The following ZNF541 variants were observed in gnomAD, a reference collection of about 807,000 sequenced individuals.
ZNF541 encodes the protein zinc finger protein 541.
A neutral mutation model predicts 123.5 loss-of-function variants in ZNF541; 23 were observed. The ratio of observed to expected loss-of-function variants is 0.19; its 90% CI spans 0.13 to 0.26. ZNF541 has a LOEUF of 0.26. ZNF541 is among the 10% of genes least tolerant of loss of function. The pLI is 1.00. For synonymous variants in ZNF541, 751 were observed against 754.5 expected, an observed-to-expected ratio of 1.00 and a Z score of 0.08; for missense variants, 1,612 against 1,789.9, an observed-to-expected ratio of 0.90 and a Z score of 1.79.
chr19:47,546,206 T>TAAAAAAAAAAAAAA (rs113946046), intron 4 of ZNF541, among the ~76,000 whole-genome samples: 1 of 125,738 alleles, frequency 8.0e-6, no homozygotes. Flanking sequence ...TACAGAAAAG[T>TAAAAAAAAAAAAAA]AAAAAAAAAA....
chr19:47,572,892 G>A (rs1483243396), intron 1 of ZNF541, among the ~76,000 whole-genome samples, 191 bp downstream of exon 1: 2 of 152,124 alleles, frequency 1.3e-5, no homozygotes, highest in Non-Finnish European at 2.9e-5. Flanking sequence ...GAAGATGCGT[G>A]CGTGACGCAG....
Position 47,545,281 on chromosome 19 carries a change from G to A in ZNF541, c.1248C>T (p.Leu416=), listed in dbSNP as rs1166517508. 6.5e-7 allele frequency: 1 copy of A among 1,549,536 alleles called. No homozygotes were observed. Among genetic ancestry groups the A allele is most frequent in the Non-Finnish European group, 8.7e-7 (1 of 1,146,776 alleles). Residue 416 remains leucine, a synonymous_variant, in exon 5 of 17, where the codon CTC becomes CTT. Transcript: ENST00000391901. The surrounding 1 kb of genome is among the most constrained non-coding windows in gnomAD (Gnocchi z 7.5). ...TTTTGGGACAGCCCGGCAGGTTCCG[G>A]AGCCACTGGAAGCTGTGGCTCGATG... The part of the protein sequence containing the change: ...SQPSSHSFQW[L]RNLPGCPKSK...
intron 5 of ZNF541, among the ~76,000 whole-genome samples, chr19:47,542,681 C>T (rs974975705): frequency 2.2e-4 from 33 of 151,850 alleles, no homozygotes; most frequent in African/African-American, 7.5e-4. Context: ...GGCACAGTGG[C>T]TCACACCTGC....
intron 3 of ZNF541, among the ~76,000 whole-genome samples, chr19:47,554,548 A>G (rs868291875): frequency 1.3e-5 from 2 of 152,324 alleles, no homozygotes; most frequent in Middle Eastern, 3.4e-3. Context: ...GGAAGCAGAG[A>G]GGATATTATT....
chr19:47,558,577 T>C (rs547939470), intron 2 of ZNF541, among the ~76,000 whole-genome samples: 1 of 151,868 alleles, frequency 6.6e-6, no homozygotes, highest in South Asian at 2.1e-4. Context: ...TACCAAAACT[T>C]ACTCAAGAAG....
chr19:47,557,419 A>G (rs1193046772), intron 2 of ZNF541, among the ~76,000 whole-genome samples: 1 of 152,224 alleles, frequency 6.6e-6, no homozygotes, highest in Non-Finnish European at 1.5e-5. Context: ...CAAGTCTACA[A>G]AAGAATGACA....
chr19:47,538,304 T>C lies in ZNF541; in HGVS notation c.2932A>G (p.Met978Val), dbSNP rs190326991. 6 of 1,548,518 alleles carry C rather than the reference T, an allele frequency of 3.9e-6. No individual in the cohort carries two copies. In the African/African-American group the frequency reaches 4.1e-5, roughly 11 times the overall value. Residue 978 changes from methionine (M) to valine (V), a missense_variant, in exon 9 of 17, where the codon ATG (methionine) becomes GTG (valine). Transcript: ENST00000391901. ...TTCAGGAGGCAGTCCACCAGGAACA[T>C]GGGTGACCGCAGGCGGCTCTGGTGG... ...GCHQSRLRSP[M>V]FLVDCLLKGL... is the part of the protein sequence containing the mutation.
At chr19:47,542,935 C>G (rs1040218199) in intron 5 of ZNF541, among the ~76,000 whole-genome samples, 1 of 151,894 alleles carries the variant, frequency 6.6e-6, no homozygotes, top group African/African-American at 2.4e-5. Flanking sequence ...CAGAGTGAGA[C>G]TCCATCATAA....
Position 47,538,188 on chromosome 19 carries a change from G to A in ZNF541, c.3048C>T (p.Ser1016=), listed in dbSNP as rs1342331349. The A allele has an allele frequency of 2.6e-6, 4 of 1,551,328 alleles. No homozygotes were observed. The East Asian group carries it at 9.8e-5, about 38-fold the overall frequency. Residue 1016 remains serine, a synonymous_variant, in exon 9 of 17, where the codon TCC becomes TCT. Transcript: ENST00000391901. ...GGTCAGGGCTGGCCTGAGTGGACGT[G>A]GAACAGAGGGTGTTGAAGTACACCC... ...GSGVYFNTLC[S]TSTQASPDQL...
In ZNF541 at chr19:47,521,757, C is replaced by A; in HGVS notation, c.3711+97G>T. 6.6e-7 allele frequency: 1 copy of A among 1,520,738 alleles called. No individual in the cohort carries two copies. Among genetic ancestry groups the A allele is most frequent in the African/African-American group, 1.4e-5 (1 of 72,390 alleles). The allele number at this position is 1,520,738 out of a possible 1,614,324, so 94.2% of individuals were successfully genotyped here. A position where few individuals can be genotyped will look rare whatever the true frequency, so the allele number is the denominator to read the frequency against. On this transcript the variant is annotated intron_variant, in intron 15 of 16. Coordinates refer to ENST00000391901, the MANE Select transcript of ZNF541 (RefSeq NM_001277075.3). The surrounding 1 kb of genome is among the most constrained non-coding windows in gnomAD (Gnocchi z 4.2). ...GTCTCCTGCAGGAAAACCCTTCCAT[C>A]AGGAGCACCCCCGCCCTCTGACCCC...
At chr19:47,549,010 C>T (rs564216842) in intron 4 of ZNF541, among the ~76,000 whole-genome samples, 3 of 145,018 alleles carry the variant, frequency 2.1e-5, no homozygotes, top group Non-Finnish European at 3.0e-5. Flanking sequence ...ACCCGGGAGG[C>T]GGAGGTTGCA....
chr19:47,540,298 G>T lies in ZNF541; in HGVS notation c.2500C>A (p.Pro834Thr). 6.4e-7 allele frequency: 1 copy of T among 1,552,172 alleles called. No homozygotes were observed. The highest frequency in any genetic ancestry group is 8.7e-7 in the Non-Finnish European group (1 of 1,147,096). Reference protein sequence around the residue: ...QNGSPTDWTKPRSTFVCKNCS... With the variant: ...QNGSPTDWTKTRSTFVCKNCS... ...TTCTTGCAGACAAAAGTGCTCCTGG[G>T]CTTCGTCCAGTCTGTGGGACTGCCG... is the stretch of plus-strand genomic sequence containing the variant. The change falls in exon 7 of 17, where the codon CCC becomes ACC. Residue 834 changes from proline to threonine, a missense_variant. Physicochemically the swap from Pro to Thr is conservative, Grantham distance 38. Around this residue, in one of 5 missense-constraint regions of ZNF541, gnomAD observed 1,080 missense variants for 1,013.8 expected, o/e 1.07. Transcript: ENST00000391901.
intron 4 of ZNF541, 89 bp from the exon 5 acceptor site, chr19:47,546,069 G>C: frequency 3.4e-6 from 4 of 1,171,552 alleles, no homozygotes; most frequent in Non-Finnish European, 4.6e-6. Context: ...AAAGTCTGTG[G>C]TACAGTTGCA....
intron 12 of ZNF541, 112 bp from the exon 13 acceptor site, chr19:47,529,764 TC>T: frequency 9.9e-7 from 1 of 1,015,088 alleles, no homozygotes; most frequent in Non-Finnish European, 1.5e-6. Flanking sequence ...ACACTGCCTG[TC>T]CCAGGGCTAT....
At chr19:47,525,912 T>C (rs530051698) in intron 14 of ZNF541, among the ~76,000 whole-genome samples, 69 of 104,130 alleles carry the variant, frequency 6.6e-4, no homozygotes, top group Non-Finnish European at 1.0e-3. Context: ...CGAGACTCCG[T>C]CTCACAAAAA....
chr19:47,540,391 T>G, intron 6 of ZNF541, 56 bp from the exon 7 acceptor site: 2 of 1,461,138 alleles, frequency 1.4e-6, no homozygotes, highest in South Asian at 1.4e-5. Flanking sequence ...CCTTGATCAC[T>G]GATTTTTTGT....
At chr19:47,548,442 CAAAAAAAAA>C (rs574466068) in intron 4 of ZNF541, among the ~76,000 whole-genome samples, 5 of 60,406 alleles carry the variant, frequency 8.3e-5, no homozygotes, top group East Asian at 5.5e-4. Flanking sequence ...GACTCCATCT[CAAAAAAAAA>C]AAAAAAAAAA....
intron 2 of ZNF541, among the ~76,000 whole-genome samples, chr19:47,564,938 A>G (rs1971204951): frequency 6.6e-6 from 1 of 152,214 alleles, no homozygotes; most frequent in Admixed American, 6.5e-5. Context: ...AGGAGTGGAT[A>G]AAGAAATATA....
Position 47,533,235 on chromosome 19 carries a change from G to A in ZNF541, c.3095-263C>T, listed in dbSNP as rs1422018469. 2.0e-5 allele frequency among the ~76,000 whole-genome samples: 3 copies of A among 151,780 alleles called. No individual in the cohort carries two copies. In the East Asian group the frequency reaches 5.8e-4, roughly 30 times the overall value. ...AATACAAAAAAAAGTAGCCGGGCGT[G>A]GTAGTGGGTGCCTGTAGTCCCAGCT... is the stretch of plus-strand genomic sequence containing the variant. On this transcript the variant is annotated intron_variant, in intron 9 of 16. Coordinates refer to ENST00000391901, the MANE Select transcript of ZNF541 (RefSeq NM_001277075.3).
Sources: allele counts gnomAD v4.1 joint callset (sites outside exome capture counted in the v4.1 genomes callset), GRCh38; gene constraint gnomAD v4.1.1; regional missense constraint gnomAD v4.1.1; non-coding constraint Gnocchi (gnomAD v3.1); transcripts MANE v1.5; gene names NCBI Gene and HGNC (gene_info 2026-07-23, HGNC 2026-07-21).